The following GNPTAB variants were observed in gnomAD, a reference collection of about 807,000 sequenced individuals.
The protein encoded by GNPTAB is N-acetylglucosamine-1-phosphate transferase subunits alpha and beta, also known as N-acetylglucosamine-1-phosphotransferase subunits alpha/beta.
A neutral mutation model predicts 136.6 loss-of-function variants in GNPTAB; 92 were observed. The ratio of observed to expected loss-of-function variants is 0.67; its 90% CI spans 0.57 to 0.80. The LOEUF is 0.80. Among genes scored for constraint, GNPTAB ranks in the 30% least tolerant of loss-of-function variants. The pLI is 0.00. For missense variants in GNPTAB, 1,343 were observed against 1,501.8 expected, an observed-to-expected ratio of 0.89 and a Z score of 1.75; for synonymous variants, 512 against 535.1, an observed-to-expected ratio of 0.96 and a Z score of 0.60.
chr12:101,749,890 C>T (rs1408568978), intron 19 of GNPTAB, among the ~76,000 whole-genome samples: 1 of 152,220 alleles, frequency 6.6e-6, no homozygotes, highest in Admixed American at 6.5e-5. Context: ...TGCAAAACCA[C>T]ACCGTGGGGT....
chr12:101,758,457 G>T (rs1168225204), intron 16 of GNPTAB, among the ~76,000 whole-genome samples: 1 of 152,194 alleles, frequency 6.6e-6, no homozygotes, highest in East Asian at 1.9e-4. Context: ...CTATAGGCAC[G>T]TGCCACCGTG....
At chr12:101,804,356 A>G (rs1006103378) in intron 1 of GNPTAB, among the ~76,000 whole-genome samples, 7 of 152,130 alleles carry the variant, frequency 4.6e-5, no homozygotes, top group African/African-American at 1.4e-4. Flanking sequence ...AAAAAAAAAG[A>G]ACCAACGAAC....
At chr12:101,803,264 T>G (rs1869746060) in intron 1 of GNPTAB, among the ~76,000 whole-genome samples, 1 of 152,212 alleles carries the variant, frequency 6.6e-6, no homozygotes, top group South Asian at 2.1e-4. Flanking sequence ...ACAAAATTTG[T>G]TTTGCATGGA....
chr12:101,758,282 GC>G (rs1369151029), intron 16 of GNPTAB, among the ~76,000 whole-genome samples: 4 of 152,074 alleles, frequency 2.6e-5, no homozygotes, highest in African/African-American at 9.7e-5. Context: ...CAAGTGATCC[GC>G]CCGCCTTGGC....
At chr12:101,811,099 G>A (rs958188950) in intron 1 of GNPTAB, among the ~76,000 whole-genome samples, 17 of 152,204 alleles carry the variant, frequency 1.1e-4, no homozygotes, top group African/African-American at 4.1e-4. Context: ...AGAGACCCGT[G>A]GAGCAGAGCC....
chr12:101,820,347 T>C (rs1315148906), intron 1 of GNPTAB, among the ~76,000 whole-genome samples: 1 of 152,230 alleles, frequency 6.6e-6, no homozygotes, highest in Non-Finnish European at 1.5e-5. Flanking sequence ...ACATAAGGAC[T>C]GGAGGATTTT....
chr12:101,812,807 T>C (rs1267284099), intron 1 of GNPTAB, among the ~76,000 whole-genome samples: 3 of 152,060 alleles, frequency 2.0e-5, no homozygotes, highest in African/African-American at 4.8e-5. Context: ...AAAATATTTA[T>C]TTATTTTTGA....
Position 101,764,574 on chromosome 12 carries a change from C to T in GNPTAB, c.2343G>A (p.Val781=), listed in dbSNP as rs2137116586. The stretch of plus-strand genomic sequence containing the variant: ...AAGTCAACCTCTGCAATCTTTCAGA[C>T]ACTCCTAAGCTGTTTGGCAAGATGC... ...HKSILPNSLG[V]SERLQRLTFP... is the part of the protein sequence containing the mutation. The change falls in exon 13 of 21, where the codon GTG becomes GTA. Residue 781 remains valine, a synonymous_variant. Transcript: ENST00000299314. 1 of 1,613,158 alleles carries T rather than the reference C, an allele frequency of 6.2e-7. No individual in the cohort carries two copies.
chr12:101,770,245 G>T (rs1953151399), intron 9 of GNPTAB, 54 bp from the exon 10 acceptor site: 3 of 1,594,890 alleles, frequency 1.9e-6, no homozygotes, highest in Admixed American at 1.7e-5. Flanking sequence ...TTTGGGTTTG[G>T]TTTAGTTTTT....
At chr12:101,817,238 C>T (rs971590889) in intron 1 of GNPTAB, among the ~76,000 whole-genome samples, 1 of 151,142 alleles carries the variant, frequency 6.6e-6, no homozygotes, top group Non-Finnish European at 1.5e-5. Flanking sequence ...TGATGGATAT[C>T]CCCATTACCC....
intron 1 of GNPTAB, among the ~76,000 whole-genome samples, chr12:101,815,412 G>A (rs192238110): frequency 2.0e-3 from 311 of 152,224 alleles, no homozygotes; most frequent in African/African-American, 7.3e-3. Context: ...ATATTATAAA[G>A]AAATAAAGAG....
chr12:101,790,926 A>G (rs570212008), intron 2 of GNPTAB, among the ~76,000 whole-genome samples: 1 of 151,912 alleles, frequency 6.6e-6, no homozygotes, highest in Non-Finnish European at 1.5e-5. Context: ...ATATTAAATA[A>G]TTAACTTGTA....
intron 1 of GNPTAB, among the ~76,000 whole-genome samples, chr12:101,819,454 T>C (rs947703480): frequency 5.3e-5 from 8 of 152,220 alleles, no homozygotes; most frequent in Non-Finnish European, 8.8e-5. Context: ...TTAGAAGCTT[T>C]ATCTAATTGG....
At chr12:101,783,332 A>G (rs1236575554) in intron 5 of GNPTAB, among the ~76,000 whole-genome samples, 2 of 152,184 alleles carry the variant, frequency 1.3e-5, no homozygotes, top group African/African-American at 4.8e-5. Context: ...ATCTGAGAAG[A>G]GCAAACTGGG....
At chr12:101,771,228 T>A in intron 7 of GNPTAB, 71 bp from the exon 8 acceptor site, 15 of 1,174,856 alleles carry the variant, frequency 1.3e-5, no homozygotes, top group Non-Finnish European at 1.9e-5. Flanking sequence ...AAATTCCCAC[T>A]CTGCTCTTTA....
At chr12:101,808,542 C>CA (rs1282699758) in intron 1 of GNPTAB, among the ~76,000 whole-genome samples, 6 of 149,750 alleles carry the variant, frequency 4.0e-5, no homozygotes, top group Admixed American at 6.7e-5. Flanking sequence ...ACTCCGTCTC[C>CA]AAAAAAAAAG....
chr12:101,827,503 T>C (rs545373877), intron 1 of GNPTAB, among the ~76,000 whole-genome samples: 72 of 152,332 alleles, frequency 4.7e-4, no homozygotes, highest in African/African-American at 1.7e-3. Context: ...CCCAAAGTCC[T>C]GGGATTACAG....
At chr12:101,812,211 T>C (rs1870275541) in intron 1 of GNPTAB, among the ~76,000 whole-genome samples, 1 of 152,074 alleles carries the variant, frequency 6.6e-6, no homozygotes, top group South Asian at 2.1e-4. Context: ...ATTACACCAT[T>C]GCCCTCTGGC....
intron 2 of GNPTAB, chr12:101,795,755 A>AAAAAAT (rs1486955553): frequency 6.6e-6 from 1 of 151,974 alleles, no homozygotes; most frequent in African/African-American, 2.4e-5. Flanking sequence ...TGTCTCCAAA[A>AAAAAAT]AAAAATAAAA....
Sources: gnomAD v4.1 joint callset for allele counts (sites outside exome capture counted in the v4.1 genomes callset) on GRCh38, gnomAD v4.1.1 for gene constraint, MANE v1.5 for transcripts, NCBI Gene and HGNC (gene_info 2026-07-23, HGNC 2026-07-21) for gene names.